Variants in GALNT10 observed in about 807,000 individuals in gnomAD.
GALNT10 encodes GalNAc transferase 10.
A neutral mutation model predicts 75.0 loss-of-function variants in GALNT10; 41 were observed. The ratio of observed to expected loss-of-function variants is 0.55; its 90% confidence interval spans 0.43 to 0.71. The LOEUF is 0.71. Among genes scored for constraint, GALNT10 ranks in the 30% least tolerant of loss-of-function variants. GALNT10 has a pLI of 0.00. For synonymous variants in GALNT10, 302 were observed against 313.0 expected, an observed-to-expected ratio of 0.96 and a Z score of 0.37; for missense variants, 727 against 818.5, an observed-to-expected ratio of 0.89 and a Z score of 1.36.
chr5:154,328,154 G>C (rs188944482), intron 3 of GALNT10, among the ~76,000 whole-genome samples: 1 of 151,988 alleles, frequency 6.6e-6, no homozygotes, highest in African/African-American at 2.4e-5. Context: ...TATGCAGTAC[G>C]TGGACCTTGT....
At chr5:154,327,009 A>G (rs1561661896) in intron 3 of GALNT10, among the ~76,000 whole-genome samples, 1 of 152,176 alleles carries the variant, frequency 6.6e-6, no homozygotes, top group African/African-American at 2.4e-5. Flanking sequence ...TGTTTAAAAT[A>G]TATTCATACC....
rs149880743 is a variant in GALNT10 at position 154,378,067 on chromosome 5, T to A, written c.754+1605T>A. On this transcript the variant is annotated intron_variant, in intron 5 of 11. Coordinates refer to ENST00000297107, the MANE Select transcript of GALNT10 (RefSeq NM_198321.4). Reference sequence around the variant, plus strand: ...AGACATACATGGAAGAAACATCCCCTTGTTGGTTTTTGTTGTTGTTGTTTT... The same window carrying A: ...AGACATACATGGAAGAAACATCCCCATGTTGGTTTTTGTTGTTGTTGTTTT... Among the ~76,000 whole-genome samples, 13 of 152,326 alleles carry A rather than the reference T, an allele frequency of 8.5e-5. No individual in the cohort carries two copies. In the East Asian group the frequency reaches 1.4e-3, roughly 16 times the overall value.
At chr5:154,405,787 A>G (rs897198934) in intron 8 of GALNT10, among the ~76,000 whole-genome samples, 1 of 151,968 alleles carries the variant, frequency 6.6e-6, no homozygotes, top group African/African-American at 2.4e-5. Flanking sequence ...TCGAGGCTGC[A>G]GTGAGCTGTG....
chr5:154,397,898 T>G (rs1457470573), intron 7 of GALNT10, among the ~76,000 whole-genome samples: 1 of 152,228 alleles, frequency 6.6e-6, no homozygotes, highest in Non-Finnish European at 1.5e-5. Flanking sequence ...TGCGCCCTTC[T>G]TTCTGGGTCC....
intron 1 of GALNT10, among the ~76,000 whole-genome samples, chr5:154,245,149 G>A (rs935692316): frequency 1.3e-5 from 2 of 152,184 alleles, no homozygotes; most frequent in Admixed American, 6.5e-5. Context: ...AGCTGTTGAA[G>A]ACTTGTGTGG....
At chr5:154,386,711 G>A (rs1755812610) in intron 7 of GALNT10, 1 of 565,818 alleles carries the variant, frequency 1.8e-6, no homozygotes, top group African/African-American at 1.9e-5. Flanking sequence ...GTTGGAATAA[G>A]GTCTTGCTTC....
At chr5:154,324,361 C>T (rs1754723692) in intron 3 of GALNT10, among the ~76,000 whole-genome samples, 1 of 152,194 alleles carries the variant, frequency 6.6e-6, no homozygotes, top group African/African-American at 2.4e-5. Context: ...ATATAAAGGC[C>T]AGGCTGCTTG....
chr5:154,199,293 A>C (rs1774989966), intron 1 of GALNT10, among the ~76,000 whole-genome samples: 1 of 152,096 alleles, frequency 6.6e-6, no homozygotes, highest in South Asian at 2.1e-4. Flanking sequence ...CTGAGGGTCC[A>C]ACAGGGAACT....
chr5:154,358,917 C>A (rs1755338588), intron 4 of GALNT10, among the ~76,000 whole-genome samples: 1 of 152,162 alleles, frequency 6.6e-6, no homozygotes, highest in Non-Finnish European at 1.5e-5. Context: ...TTTCACAAAC[C>A]CCTGCCTCAT....
chr5:154,193,397 C>A (rs1774891116), intron 1 of GALNT10, among the ~76,000 whole-genome samples: 1 of 152,214 alleles, frequency 6.6e-6, no homozygotes, highest in Non-Finnish European at 1.5e-5. Context: ...TGAATGTCAG[C>A]TGGCCTTGAG....
intron 7 of GALNT10, chr5:154,387,377 G>T (rs1755822690): frequency 6.6e-6 from 1 of 152,210 alleles, no homozygotes; most frequent in Non-Finnish European, 1.5e-5. Context: ...GCTTCTAACA[G>T]CTTAGACCCC....
chr5:154,211,172 G>A (rs1775192657), intron 1 of GALNT10, among the ~76,000 whole-genome samples: 1 of 152,226 alleles, frequency 6.6e-6, no homozygotes, highest in South Asian at 2.1e-4. Flanking sequence ...ATAAAGGCAG[G>A]AGGGCAGGAA....
At chr5:154,230,360 T>A (rs1310706053) in intron 1 of GALNT10, among the ~76,000 whole-genome samples, 1 of 152,186 alleles carries the variant, frequency 6.6e-6, no homozygotes, top group Non-Finnish European at 1.5e-5. Flanking sequence ...CCAAGGGGTT[T>A]ACTAGTTACG....
intron 7 of GALNT10, among the ~76,000 whole-genome samples, chr5:154,393,475 G>T (rs1482169488): frequency 6.6e-6 from 1 of 152,158 alleles, no homozygotes; most frequent in Admixed American, 6.5e-5. Flanking sequence ...TCTACCTAAT[G>T]TGTGTCTGCA....
intron 4 of GALNT10, among the ~76,000 whole-genome samples, chr5:154,340,686 G>A (rs574379714): frequency 1.3e-5 from 2 of 152,278 alleles, no homozygotes; most frequent in South Asian, 4.1e-4. Flanking sequence ...TGCAAACAGA[G>A]ATACTTCAGA....
chr5:154,261,060 G>A (rs915481287), intron 1 of GALNT10, among the ~76,000 whole-genome samples: 3 of 152,088 alleles, frequency 2.0e-5, no homozygotes, highest in Non-Finnish European at 4.4e-5. Context: ...GGGCTGGGGC[G>A]GGGGTGGGGA....
At chr5:154,310,440 TG>T (rs992309877) in intron 3 of GALNT10, among the ~76,000 whole-genome samples, 16 of 54,330 alleles carry the variant, frequency 2.9e-4, no homozygotes, top group Non-Finnish European at 5.3e-4. Context: ...GGGTTTTTTT[TG>T]TTTTTTTTTT....
rs1754969598 is a variant in GALNT10 at position 154,337,960 on chromosome 5, C to T, written c.568+8222C>T. 3.8e-6 allele frequency: 6 copies of T among 1,576,312 alleles called. No individual in the cohort carries two copies. In the South Asian group the frequency reaches 5.5e-5, roughly 15 times the overall value. ...TGAATGACAGTCTTATCCACGGAGT[C>T]ATGGTCGTCAAAGGTTACAAAGGCA... On this transcript the variant is annotated intron_variant, in intron 4 of 11. Coordinates refer to ENST00000297107, the MANE Select transcript of GALNT10 (RefSeq NM_198321.4).
intron 1 of GALNT10, among the ~76,000 whole-genome samples, chr5:154,262,464 C>G (rs1482373149): frequency 2.0e-5 from 3 of 152,164 alleles, no homozygotes; most frequent in Non-Finnish European, 4.4e-5. Flanking sequence ...CATTGTAGTT[C>G]AGTGACCCCA....
Sources: gnomAD v4.1 joint callset for allele counts (sites outside exome capture counted in the v4.1 genomes callset) on GRCh38, gnomAD v4.1.1 for gene constraint, MANE v1.5 for transcripts, NCBI Gene and HGNC (gene_info 2026-07-23, HGNC 2026-07-21) for gene names.